The following HNRNPA2B1 variants were observed in gnomAD, a reference collection of about 807,000 sequenced individuals.
HNRNPA2B1 encodes the protein heterogeneous nuclear ribonucleoprotein A2/B1.
A neutral mutation model predicts 46.3 loss-of-function variants in HNRNPA2B1; 3 were observed. That is an observed-to-expected ratio of 0.06 (90% CI 0.03 to 0.17). The LOEUF (loss-of-function observed/expected upper bound fraction) is 0.17, where lower values mean the gene tolerates loss of function less well. Among genes scored for constraint, HNRNPA2B1 ranks in the 10% least tolerant of loss-of-function variants. The pLI is 1.00. For missense variants in HNRNPA2B1, 221 were observed against 418.9 expected (o/e 0.53, Z 4.12); for synonymous variants, 225 against 133.8 (o/e 1.68, Z -4.70).
intron 1 of HNRNPA2B1, chr7:26,200,038 A>T (rs562824416): frequency 1.3e-5 from 2 of 159,328 alleles, no homozygotes; most frequent in Admixed American, 6.1e-5. Context: ...GAGAAGAAAA[A>T]AAAATAGTTA....
intron 4 of HNRNPA2B1, 38 bp downstream of exon 4, chr7:26,196,769 A>G (rs933427739): frequency 6.3e-7 from 1 of 1,587,772 alleles, no homozygotes; most frequent in African/African-American, 1.3e-5. Flanking sequence ...AATTGAATAC[A>G]CTGGAAAAAA....
intron 6 of HNRNPA2B1, 112 bp from the exon 7 acceptor site, chr7:26,196,021 A>G: frequency 7.3e-7 from 1 of 1,371,768 alleles, no homozygotes; most frequent in Non-Finnish European, 9.7e-7. Flanking sequence ...ACCGCAGAAA[A>G]GGACACACCA....
chr7:26,196,001 A>G (rs2128119579), intron 6 of HNRNPA2B1, 92 bp from the exon 7 acceptor site: 3 of 1,477,790 alleles, frequency 2.0e-6, no homozygotes, highest in South Asian at 1.4e-5. Context: ...CCTCAGCACA[A>G]TAATTAAGAA....
rs745849500 is a variant in HNRNPA2B1 at position 26,195,827 on chromosome 7, A to C, written c.721+20T>G. 1.9e-6 allele frequency: 3 copies of C among 1,606,742 alleles called. No homozygotes were observed. Among genetic ancestry groups the C allele is most frequent in the East Asian group, 4.5e-5 (2 of 44,758 alleles). On this transcript the variant is annotated intron_variant, in intron 7 of 10. Coordinates refer to ENST00000618183, the MANE Select transcript of HNRNPA2B1 (RefSeq NM_002137.4). ...AAGTATTAGTCACATAAACAAACCA[A>C]AACGTAGAGGAAAACTGACCTCCAG...
chr7:26,196,719 GT>G lies in HNRNPA2B1; in HGVS notation c.476-62del, dbSNP rs373381657. The G allele has an allele frequency of 1.0e-3, 1,610 of 1,568,744 alleles. 17 individuals are homozygous for G. The African/African-American group carries it at 0.019, about 19-fold the overall frequency. Reference sequence around the variant, plus strand: ...TCAACAATATTAAGCAGCTTCAAAAGTTTACCTTTCAATAAAGTTACAGATG... The same window carrying G: ...TCAACAATATTAAGCAGCTTCAAAAGTTACCTTTCAATAAAGTTACAGATG... On this transcript the variant is annotated intron_variant, in intron 4 of 10. Transcript: ENST00000618183.
intron 9 of HNRNPA2B1, 24 bp from the exon 10 acceptor site, chr7:26,192,601 G>A: frequency 1.3e-6 from 2 of 1,597,910 alleles, no homozygotes; most frequent in Non-Finnish European, 1.7e-6. Context: ...AACAGCAAGA[G>A]AAAACAAACT....
chr7:26,191,049 G>C lies in HNRNPA2B1; in HGVS notation c.*1311C>G, dbSNP rs1243102283. ...AGAAAAGCTTTATTAATGATCACTT[G>C]GCTTGCCTCAGCTGTTGAAATGAAG... is the stretch of plus-strand genomic sequence containing the variant. On this transcript the variant is annotated 3_prime_UTR_variant, in exon 11 of 11. Coordinates refer to ENST00000618183, the MANE Select transcript of HNRNPA2B1 (RefSeq NM_002137.4). The C allele has an allele frequency of 6.6e-6, 1 of 152,462 alleles. No individual in the cohort carries two copies. The highest frequency in any genetic ancestry group is 2.4e-5 in the African/African-American group (1 of 41,392). The allele number at this position is 152,462 out of a possible 1,614,324, so 9.4% of individuals were successfully genotyped here.
chr7:26,194,215 T>C (rs879855578), intron 7 of HNRNPA2B1, among the ~76,000 whole-genome samples: 11 of 151,836 alleles, frequency 7.2e-5, no homozygotes, highest in Non-Finnish European at 1.5e-4. Flanking sequence ...GCTAACACGG[T>C]GAAACCCCAT....
intron 1 of HNRNPA2B1, chr7:26,200,241 T>C: frequency 3.0e-6 from 1 of 333,118 alleles, no homozygotes; most frequent in Non-Finnish European, 5.7e-6. Context: ...GGAGACGCCG[T>C]GGCCCCCGAA....
rs141925857 is a variant in HNRNPA2B1 at position 26,199,261 on chromosome 7, G to A, written c.6+1311C>T. ...AATGTTATTTTATAAACGTGCTTAG[G>A]GTCAAAGAAAATAACCAGGTAGACC... On this transcript the variant is annotated intron_variant, in intron 1 of 10. Transcript: ENST00000618183. 9.8e-5 allele frequency: 15 copies of A among 152,612 alleles called. No individual in the cohort carries two copies. The East Asian group carries it at 1.5e-3, about 16-fold the overall frequency. 9.5% of individuals were successfully genotyped at this position (152,612 alleles called of 1,614,324 possible). A position where few individuals can be genotyped will look rare whatever the true frequency, so the allele number is the denominator to read the frequency against.
chr7:26,195,707 A>C, intron 7 of HNRNPA2B1, 140 bp downstream of exon 7: 1 of 877,484 alleles, frequency 1.1e-6, no homozygotes, highest in Non-Finnish European at 1.7e-6. Flanking sequence ...ACTACTTAGA[A>C]ATAACTGGAC....
rs372335871 is a variant in HNRNPA2B1, at chr7:26,196,790, T to G, written c.475+17A>C. The G allele has an allele frequency of 6.2e-7, 1 of 1,605,952 alleles. No homozygotes were observed. On this transcript the variant is annotated intron_variant, in intron 4 of 10. Coordinates refer to ENST00000618183, the MANE Select transcript of HNRNPA2B1 (RefSeq NM_002137.4). ...ATACACTGGAAAAAAACAGTACATTTGTGGTTAGACACTTACATACGATTT... is the reference window on the plus strand; with the variant it reads ...ATACACTGGAAAAAAACAGTACATTGGTGGTTAGACACTTACATACGATTT...
Position 26,194,677 on chromosome 7 carries a change from A to AG in HNRNPA2B1, c.722-984dup, listed in dbSNP as rs1056645642. Among the ~76,000 whole-genome samples the AG allele has an allele frequency of 2.6e-5, 4 of 152,030 alleles. No homozygotes were observed. In the East Asian group the frequency reaches 7.7e-4, roughly 29 times the overall value. On this transcript the variant is annotated intron_variant, in intron 7 of 10. Transcript: ENST00000618183. ...CACTGCACTCCAGTCTGAGCAACAA[A>AG]GCCAGACCCCATTTCAAAGAAAAAA... is the stretch of plus-strand genomic sequence containing the variant.
intron 9 of HNRNPA2B1, among the ~76,000 whole-genome samples, chr7:26,192,922 G>A (rs1447939925): frequency 2.6e-5 from 4 of 152,100 alleles, no homozygotes; most frequent in African/African-American, 9.7e-5. Context: ...TTTGAATCAT[G>A]GTTTAAGGAT....
rs573171238 is a variant in HNRNPA2B1 at position 26,193,313 on chromosome 7, T to A, written c.902A>T (p.Tyr301Phe). The change falls in exon 9 of 11, where the codon TAC (tyrosine) becomes TTC (phenylalanine). Residue 301 changes from tyrosine to phenylalanine, a missense_variant. Coordinates refer to ENST00000618183, the MANE Select transcript of HNRNPA2B1 (RefSeq NM_002137.4). Reference sequence around the variant, plus strand: ...AAAGTTTCCACTCTTCATTGGACCGTAGTTAGAAGGTTGCTGGTTATAATT... The same window carrying A: ...AAAGTTTCCACTCTTCATTGGACCGAAGTTAGAAGGTTGCTGGTTATAATT... ...FGNYNQQPSNYGPMKSGNFGG... is the reference protein window; with the variant it reads ...FGNYNQQPSNFGPMKSGNFGG... 2 of 1,612,366 alleles carry A rather than the reference T, an allele frequency of 1.2e-6. No homozygotes were observed. The highest frequency in any genetic ancestry group is 1.7e-6 in the Non-Finnish European group (2 of 1,178,562).
At chr7:26,193,464 T>C (rs535311943) in intron 8 of HNRNPA2B1, 91 bp from the exon 9 acceptor site, 1,336 of 1,529,046 alleles carry the variant, frequency 8.7e-4, no homozygotes, top group Non-Finnish European at 1.1e-3. Context: ...AAGCAAACAC[T>C]TATCCACAAA....
intron 1 of HNRNPA2B1, chr7:26,200,043 T>A (rs1269664523): frequency 1.9e-5 from 3 of 157,082 alleles, no homozygotes; most frequent in South Asian, 1.5e-4. Context: ...GAAAAAAAAA[T>A]AGTTAACCAC....
At position 26,193,385 on chromosome 7, in the gene HNRNPA2B1, T is replaced by A. The variant is rs201433539; in HGVS notation, c.842-12A>T. 9.9e-6 allele frequency: 16 copies of A among 1,609,272 alleles called. No homozygotes were observed. The highest frequency in any genetic ancestry group is 6.6e-5 in the South Asian group (6 of 90,806). Reference sequence around the variant, plus strand: ...ACTTCCATAATTTCCTATTAAAAAATTGGAATACTCAGAACAATACAAACA... The same window carrying A: ...ACTTCCATAATTTCCTATTAAAAAAATGGAATACTCAGAACAATACAAACA... On this transcript the variant is annotated splice_polypyrimidine_tract_variant and intron_variant, in intron 8 of 10. Coordinates refer to ENST00000618183, the MANE Select transcript of HNRNPA2B1 (RefSeq NM_002137.4).
intron 3 of HNRNPA2B1, 32 bp downstream of exon 3, chr7:26,197,283 G>C (rs771273555): frequency 6.4e-7 from 1 of 1,569,734 alleles, no homozygotes; most frequent in Non-Finnish European, 8.6e-7. Context: ...CGTTCTTCAT[G>C]TTAATGCACA....
Sources: gnomAD v4.1 joint callset for allele counts (sites outside exome capture counted in the v4.1 genomes callset) on GRCh38, gnomAD v4.1.1 for gene constraint, MANE v1.5 for transcripts, NCBI Gene and HGNC (gene_info 2026-07-23, HGNC 2026-07-21) for gene names.